The following MAPK6 variants were observed in gnomAD, a reference collection of about 807,000 sequenced individuals.
The protein encoded by MAPK6 is ERK-3.
MAPK6 carries 19 observed loss-of-function variants against 59.3 expected under a neutral mutation model. That is an observed-to-expected ratio of 0.32 (90% CI 0.22 to 0.47). MAPK6 has a LOEUF of 0.47. Ranked by LOEUF, MAPK6 falls within the 20% of genes least tolerant of loss-of-function variation. MAPK6 has a pLI of 1.00. For missense variants in MAPK6, 724 were observed against 847.9 expected (o/e 0.85, Z 1.81); for synonymous variants, 316 against 290.3 (o/e 1.09, Z -0.90).
intron 3 of MAPK6, among the ~76,000 whole-genome samples, chr15:52,053,560 TC>T (rs764012784): frequency 2.6e-5 from 4 of 152,160 alleles, no homozygotes; most frequent in Admixed American, 6.5e-5. Context: ...CAGTTTTTTT[TC>T]CCTTTCTTTA....
intron 1 of MAPK6, among the ~76,000 whole-genome samples, chr15:52,034,325 T>C (rs921502487): frequency 1.3e-5 from 2 of 151,048 alleles, no homozygotes; most frequent in African/African-American, 4.9e-5. Context: ...TGTCGTTCGT[T>C]TTTTTTTTGA....
chr15:52,064,270 G>A lies in MAPK6; in HGVS notation c.1436G>A (p.Trp479Ter). The change falls in exon 6 of 6, where the codon TGG (tryptophan) becomes TAG (stop). Residue 479 changes from tryptophan (W) to a stop codon, truncating the protein, a stop_gained. Transcript: ENST00000261845. LOFTEE classifies it high-confidence loss of function. ...EPKLIIDLSN[W>*]KEQSKEKSDK... ...AAGCTTATTATAGATCTTTCCAATT[G>A]GAAAGAACAAAGCAAAGAAAAATCT... 3 of 1,610,414 alleles carry A rather than the reference G, an allele frequency of 1.9e-6. No individual in the cohort carries two copies. Among genetic ancestry groups the A allele is most frequent in the Non-Finnish European group, 2.5e-6 (3 of 1,179,376 alleles).
chr15:52,044,391 G>A (rs1394269644), intron 1 of MAPK6, among the ~76,000 whole-genome samples: 1 of 152,168 alleles, frequency 6.6e-6, no homozygotes, highest in Non-Finnish European at 1.5e-5. Flanking sequence ...ATTGGACAAT[G>A]AGTTGCGTTT....
upstream of MAPK6, chr15:52,018,825 G>C (rs1399313463): frequency 6.6e-6 from 1 of 152,428 alleles, no homozygotes; most frequent in Non-Finnish European, 1.5e-5. Context: ...CGTCTGTCTT[G>C]TGCTCGGGCT....
At chr15:51,987,298 G>A (rs936648222) in intron 2 of MAPK6, among the ~76,000 whole-genome samples, 6 of 152,120 alleles carry the variant, frequency 3.9e-5, no homozygotes, top group Admixed American at 3.9e-4. Flanking sequence ...TTGTTCAGAT[G>A]CCTACCTTTA....
intron 1 of MAPK6, among the ~76,000 whole-genome samples, chr15:51,976,083 G>A (rs923650184): frequency 4.6e-5 from 7 of 151,526 alleles, no homozygotes; most frequent in East Asian, 1.9e-4. Context: ...TGGCTAACAC[G>A]GTGAAACCCC....
chr15:52,019,666 G>A (rs1273050415), intron 1 of MAPK6, among the ~76,000 whole-genome samples: 1 of 147,348 alleles, frequency 6.8e-6, no homozygotes, highest in Non-Finnish European at 1.5e-5. Context: ...CGGCCAGCGC[G>A]CCCCTCCCAC....
At chr15:52,019,048 G>A (rs1305565127), upstream of MAPK6, 3 of 152,322 alleles carry the variant, frequency 2.0e-5, no homozygotes, top group Non-Finnish European at 2.9e-5. Flanking sequence ...GCCCCCAGGA[G>A]ACGCCGGACG....
intron 3 of MAPK6, among the ~76,000 whole-genome samples, chr15:52,050,697 T>C (rs1006370004): frequency 6.6e-6 from 1 of 152,204 alleles, no homozygotes; most frequent in African/African-American, 2.4e-5. Flanking sequence ...TATGCATCAG[T>C]GATTGCTGGA....
intron 3 of MAPK6, among the ~76,000 whole-genome samples, chr15:52,005,481 C>G (rs767340657): frequency 6.6e-6 from 1 of 151,482 alleles, no homozygotes; most frequent in Non-Finnish European, 1.5e-5. Flanking sequence ...GAGCCAAGAT[C>G]GCACCACTGC....
chr15:52,059,825 A>G (rs1439126438), intron 4 of MAPK6, among the ~76,000 whole-genome samples: 1 of 152,150 alleles, frequency 6.6e-6, no homozygotes, highest in Non-Finnish European at 1.5e-5. Flanking sequence ...GAGACTAAAG[A>G]TTTATCAATT....
At position 52,061,385 on chromosome 15, in the gene MAPK6, A is replaced by G. The variant is rs1444804091; in HGVS notation, c.952A>G (p.Ile318Val). ...EEALSHPYMS[I>V]YSFPMDEPIS... ...AGCACTCTCCCATCCTTACATGAGCATATATTCTTTTCCAATGGATGAGCC... is the reference window on the plus strand; with the variant it reads ...AGCACTCTCCCATCCTTACATGAGCGTATATTCTTTTCCAATGGATGAGCC... Residue 318 changes from isoleucine to valine, a missense_variant, in exon 5 of 6, where the codon ATA becomes GTA. Ile to Val is a conservative substitution (Grantham distance 29, BLOSUM62 3). This residue lies in a region of MAPK6 where 502 missense variants were observed against 507.6 expected (regional missense o/e 0.99). Transcript: ENST00000261845. The G allele has an allele frequency of 1.9e-6, 3 of 1,614,006 alleles. No homozygotes were observed. The highest frequency in any genetic ancestry group is 8.5e-7 in the Non-Finnish European group (1 of 1,179,882).
At chr15:52,006,752 T>A (rs895723965) in intron 3 of MAPK6, among the ~76,000 whole-genome samples, 17 of 152,152 alleles carry the variant, frequency 1.1e-4, no homozygotes, top group African/African-American at 3.9e-4. Flanking sequence ...CCTTCATATC[T>A]ACCAGAGCAT....
intron 1 of MAPK6, among the ~76,000 whole-genome samples, chr15:52,027,136 A>G (rs778616386): frequency 2.6e-5 from 4 of 151,872 alleles, no homozygotes; most frequent in Non-Finnish European, 5.9e-5. Context: ...GGCGGATCAC[A>G]AGGTCAGGAG....
chr15:52,041,242 G>A (rs966608070), intron 1 of MAPK6, among the ~76,000 whole-genome samples: 1 of 152,062 alleles, frequency 6.6e-6, no homozygotes, highest in Non-Finnish European at 1.5e-5. Context: ...TGTTGCTCAG[G>A]CTAGAGTGCA....
At chr15:51,992,305 A>AT (rs61396800) in intron 2 of MAPK6, among the ~76,000 whole-genome samples, 41,789 of 100,324 alleles carry the variant, frequency 0.42, 10,959 homozygotes, top group East Asian at 0.68. Flanking sequence ...ATATATATAT[A>AT]TTTTTTTTTT....
intron 2 of MAPK6, among the ~76,000 whole-genome samples, chr15:51,996,975 GC>G (rs1439596525): frequency 1.3e-5 from 2 of 151,030 alleles, no homozygotes; most frequent in African/African-American, 4.9e-5. Flanking sequence ...GAATGACCAT[GC>G]CAGGAAATTT....
intron 2 of MAPK6, among the ~76,000 whole-genome samples, chr15:51,990,095 T>C (rs2057203240): frequency 6.6e-6 from 1 of 152,200 alleles, no homozygotes; most frequent in South Asian, 2.1e-4. Context: ...TAAAACTAAT[T>C]TGGTGAAATC....
At chr15:52,055,296 A>C (rs1428078229) in intron 3 of MAPK6, among the ~76,000 whole-genome samples, 1 of 152,212 alleles carries the variant, frequency 6.6e-6, no homozygotes. Context: ...GGTCCCAGCT[A>C]TTCAAGGGGC....
Sources: allele counts gnomAD v4.1 joint callset (sites outside exome capture counted in the v4.1 genomes callset), GRCh38; gene constraint gnomAD v4.1.1; regional missense constraint gnomAD v4.1.1; transcripts MANE v1.5; gene names NCBI Gene and HGNC (gene_info 2026-07-23, HGNC 2026-07-21).